SLC23A2: variants seen among roughly 807,000 people sequenced by gnomAD.
The protein encoded by SLC23A2 is Na(+)/L-ascorbic acid transporter 2.
A neutral mutation model predicts 73.3 loss-of-function variants in SLC23A2; 36 were observed. The ratio of observed to expected loss-of-function variants is 0.49; its 90% CI spans 0.38 to 0.65. The LOEUF is 0.65. Among genes scored for constraint, SLC23A2 ranks in the 30% least tolerant of loss-of-function variants. SLC23A2 has a pLI of 0.00. For missense variants in SLC23A2, 507 were observed against 841.6 expected, an observed-to-expected ratio of 0.60 and a Z score of 4.92; for synonymous variants, 343 against 327.3, an observed-to-expected ratio of 1.05 and a Z score of -0.52.
intron 4 of SLC23A2, among the ~76,000 whole-genome samples, chr20:4,907,084 T>C (rs1931983741): frequency 6.6e-6 from 1 of 152,162 alleles, no homozygotes; most frequent in Non-Finnish European, 1.5e-5. Flanking sequence ...AACAAATATG[T>C]ATGGTTTGAA....
Position 4,899,574 on chromosome 20 carries a change from G to A in SLC23A2, c.463C>T (p.Gln155Ter), listed in dbSNP as rs1282512216. 1 of 1,614,162 alleles carries A rather than the reference G, an allele frequency of 6.2e-7. No homozygotes were observed. The highest frequency in any genetic ancestry group is 1.7e-5 in the Admixed American group (1 of 60,030). Residue 155 changes from glutamine (Q) to a stop codon, truncating the protein, a stop_gained, in exon 6 of 17, where the codon CAG becomes TAG. Transcript: ENST00000338244. LOFTEE classifies it high-confidence loss of function. The surrounding 1 kb of genome is among the most constrained non-coding windows in gnomAD (Gnocchi z 4.9). ...TCTCACCTGCATCCAAACGTTGTCT[G>A]TAGCAAAGTAGTGATTCCCACACAG... Reference protein sequence around the residue: ...FFCVGITTLLQTTFGCRLPLF... With the variant: ...FFCVGITTLL
rs985566855 is a variant in SLC23A2 at position 4,990,843 on chromosome 20, A to G, written c.-282+10563T>C. 2.6e-5 allele frequency among the ~76,000 whole-genome samples: 4 copies of G among 151,316 alleles called. No individual in the cohort carries two copies. The South Asian group carries it at 6.3e-4, about 24-fold the overall frequency. On this transcript the variant is annotated intron_variant, in intron 1 of 16. Transcript: ENST00000338244. Reference sequence around the variant, plus strand: ...ACTAAAAACACAAAAGTGGCCAGGCATGGTGGAACAGGACTGTAATTCTAC... The same window carrying G: ...ACTAAAAACACAAAAGTGGCCAGGCGTGGTGGAACAGGACTGTAATTCTAC...
chr20:4,891,418 T>C (rs372865246), intron 6 of SLC23A2, among the ~76,000 whole-genome samples: 44 of 149,938 alleles, frequency 2.9e-4, no homozygotes, highest in Middle Eastern at 6.8e-3. Context: ...CAAAAGCGAG[T>C]AGACCCGCCT....
chr20:4,895,341 G>A (rs766024242), intron 6 of SLC23A2, among the ~76,000 whole-genome samples: 2 of 152,096 alleles, frequency 1.3e-5, no homozygotes, highest in Non-Finnish European at 2.9e-5. Flanking sequence ...TCTCCACCTT[G>A]CTCCCTGCTC....
chr20:4,914,037 TA>T (rs1223165677), intron 3 of SLC23A2, among the ~76,000 whole-genome samples: 1 of 151,906 alleles, frequency 6.6e-6, no homozygotes, highest in Admixed American at 6.6e-5. Context: ...GGTAACTGTA[TA>T]TATGGTTAAC....
At chr20:4,935,520 C>T (rs1419299225) in intron 2 of SLC23A2, among the ~76,000 whole-genome samples, 2 of 152,158 alleles carry the variant, frequency 1.3e-5, no homozygotes, top group South Asian at 2.1e-4. Flanking sequence ...CTGTGCAGGC[C>T]GGGCGCAGTG....
chr20:5,006,143 G>T (rs572442575), upstream of SLC23A2, among the ~76,000 whole-genome samples: 2 of 152,204 alleles, frequency 1.3e-5, no homozygotes, highest in Non-Finnish European at 2.9e-5. Context: ...TGTCGCCCAG[G>T]CTGGAGTGCA....
chr20:4,859,710 TA>T (rs34104667), intron 15 of SLC23A2, among the ~76,000 whole-genome samples: 6,003 of 150,600 alleles, frequency 0.04, 407 homozygotes, highest in African/African-American at 0.14. Flanking sequence ...AAATTCTAAA[TA>T]AAAAAAAATG....
At chr20:4,944,778 C>T (rs1368736515) in intron 2 of SLC23A2, among the ~76,000 whole-genome samples, 1 of 152,160 alleles carries the variant, frequency 6.6e-6, no homozygotes, top group Non-Finnish European at 1.5e-5. Flanking sequence ...TCAGGGCCGG[C>T]TAGGTTCAAT....
At chr20:4,999,842 T>TA (rs1044615080) in intron 1 of SLC23A2, among the ~76,000 whole-genome samples, 32 of 152,186 alleles carry the variant, frequency 2.1e-4, no homozygotes, top group Admixed American at 1.9e-3. Flanking sequence ...CCTATTGTCT[T>TA]AAAAAATCAC....
intron 16 of SLC23A2, among the ~76,000 whole-genome samples, chr20:4,858,660 T>A (rs985731482): frequency 6.6e-6 from 1 of 152,096 alleles, no homozygotes; most frequent in Non-Finnish European, 1.5e-5. Flanking sequence ...CACTTTACAG[T>A]GGCCCACAGC....
chr20:4,866,806 A>G (rs1301418156), intron 13 of SLC23A2, among the ~76,000 whole-genome samples: 1 of 152,076 alleles, frequency 6.6e-6, no homozygotes, highest in East Asian at 1.9e-4. Context: ...CTCCCTCCCA[A>G]TTTGACAGAG....
At chr20:5,004,176 C>G (rs553905493), upstream of SLC23A2, among the ~76,000 whole-genome samples, 2 of 152,294 alleles carry the variant, frequency 1.3e-5, no homozygotes, top group Non-Finnish European at 2.9e-5. Context: ...ACAACCTGCC[C>G]TGAATATTCT....
intron 6 of SLC23A2, among the ~76,000 whole-genome samples, chr20:4,896,454 TG>T (rs1291093553): frequency 6.6e-6 from 1 of 152,172 alleles, no homozygotes; most frequent in Non-Finnish European, 1.5e-5. Flanking sequence ...AGGCCCAGAC[TG>T]CCCACAAGGT....
Position 4,932,669 on chromosome 20 carries a change from C to G in SLC23A2, c.-107G>C, listed in dbSNP as rs998441345. 53 of 696,212 alleles carry G rather than the reference C, an allele frequency of 7.6e-5. No homozygotes were observed. The South Asian group carries it at 8.2e-4, about 11-fold the overall frequency. The allele number at this position is 696,212 out of a possible 1,614,324, so 43.1% of individuals were successfully genotyped here. On this transcript the variant is annotated 5_prime_UTR_variant, in exon 3 of 17. Coordinates refer to ENST00000338244, the MANE Select transcript of SLC23A2 (RefSeq NM_005116.6). ...GCCGGCTCTTCTAGTGCCTGGAGCC[C>G]CCGATTCTCAAGCAGAGATGAGGCC...
chr20:4,992,097 G>T (rs560941488), intron 1 of SLC23A2, among the ~76,000 whole-genome samples: 53 of 152,104 alleles, frequency 3.5e-4, no homozygotes, highest in Non-Finnish European at 6.0e-4. Context: ...GGGACAGAGT[G>T]AGACTCCATC....
chr20:4,904,016 C>T (rs934610344), intron 4 of SLC23A2, among the ~76,000 whole-genome samples: 2 of 152,076 alleles, frequency 1.3e-5, no homozygotes, highest in Admixed American at 1.3e-4. Flanking sequence ...CTTTTTAGGC[C>T]CAGTGCAGTG....
chr20:4,891,068 T>A (rs1294915547), intron 6 of SLC23A2, among the ~76,000 whole-genome samples: 1 of 152,170 alleles, frequency 6.6e-6, no homozygotes, highest in Non-Finnish European at 1.5e-5. Flanking sequence ...GCTTCCATCC[T>A]TATTTGGTGA....
chr20:4,885,762 C>A, intron 7 of SLC23A2, 59 bp downstream of exon 7: 1 of 1,223,768 alleles, frequency 8.2e-7, no homozygotes, highest in Non-Finnish European at 1.2e-6. Context: ...ACGTCCAGGC[C>A]TCCCTTTACA....
Sources: gnomAD v4.1 joint callset for allele counts (sites outside exome capture counted in the v4.1 genomes callset) on GRCh38, gnomAD v4.1.1 for gene constraint, Gnocchi (gnomAD v3.1) non-coding constraint, MANE v1.5 for transcripts, NCBI Gene and HGNC (gene_info 2026-07-23, HGNC 2026-07-21) for gene names.